SH2D4A: variants seen among roughly 807,000 people sequenced by gnomAD.
SH2D4A encodes the protein SH2 domain-containing protein 4A.
A neutral mutation model predicts 64.7 loss-of-function variants in SH2D4A; 70 were observed. That is an observed-to-expected ratio of 1.08 (90% CI 0.89 to 1.32). The LOEUF is 1.32. Ranked by LOEUF, SH2D4A falls within the 40% of genes most tolerant of loss-of-function variation. SH2D4A has a pLI of 0.00. For missense variants in SH2D4A, 706 were observed against 540.1 expected (o/e 1.31, Z -3.04); for synonymous variants, 268 against 200.7 (o/e 1.34, Z -2.83).
At chr8:19,345,273 G>A (rs969183665) in intron 4 of SH2D4A, among the ~76,000 whole-genome samples, 3 of 152,142 alleles carry the variant, frequency 2.0e-5, no homozygotes, top group Admixed American at 6.5e-5. Flanking sequence ...AGGAGTTCAC[G>A]GTACAGATGG....
At chr8:19,378,327 A>G (rs1052048647) in intron 8 of SH2D4A, among the ~76,000 whole-genome samples, 1 of 152,162 alleles carries the variant, frequency 6.6e-6, no homozygotes, top group Admixed American at 6.5e-5. Context: ...TTGTTGTATC[A>G]TGCACAATCC....
At chr8:19,364,450 G>A (rs1298898497) in intron 7 of SH2D4A, among the ~76,000 whole-genome samples, 168 bp downstream of exon 7, 1 of 152,166 alleles carries the variant, frequency 6.6e-6, no homozygotes, top group African/African-American at 2.4e-5. Flanking sequence ...GGTGATCTGG[G>A]CGGGCATTCC....
chr8:19,321,890 T>G (rs2052197905), intron 2 of SH2D4A, among the ~76,000 whole-genome samples: 1 of 152,212 alleles, frequency 6.6e-6, no homozygotes, highest in Non-Finnish European at 1.5e-5. Flanking sequence ...TGTGATGACT[T>G]AAAATAATAA....
intron 4 of SH2D4A, among the ~76,000 whole-genome samples, chr8:19,345,171 A>G (rs1043193785): frequency 6.6e-6 from 1 of 152,190 alleles, no homozygotes; most frequent in East Asian, 1.9e-4. Context: ...TGGGACAGAC[A>G]TGACTAATCA....
intron 3 of SH2D4A, among the ~76,000 whole-genome samples, chr8:19,334,237 G>T (rs553937914): frequency 6.6e-6 from 1 of 152,342 alleles, no homozygotes; most frequent in East Asian, 1.9e-4. Context: ...CTGTGGCACA[G>T]TGGATGGTGC....
At chr8:19,321,272 G>A (rs1371751121) in intron 2 of SH2D4A, among the ~76,000 whole-genome samples, 1 of 152,080 alleles carries the variant, frequency 6.6e-6, no homozygotes, top group Non-Finnish European at 1.5e-5. Context: ...GGAGTGCAGT[G>A]GTACAATCTT....
At chr8:19,375,671 T>A (rs375708476) in intron 8 of SH2D4A, 4 of 152,158 alleles carry the variant, frequency 2.6e-5, no homozygotes, top group African/African-American at 9.7e-5. Context: ...GAGTGTTCTA[T>A]TTCACAGCAT....
chr8:19,349,183 A>G (rs1174435149), intron 4 of SH2D4A, among the ~76,000 whole-genome samples: 1 of 152,234 alleles, frequency 6.6e-6, no homozygotes, highest in African/African-American at 2.4e-5. Flanking sequence ...GTAAAAACAG[A>G]TAAGTAATTA....
Position 19,313,732 on chromosome 8 carries a change from G to A in SH2D4A, c.-296G>A, listed in dbSNP as rs375745079. ...CGCCTGCGCCGCTTGGGACGCCTCT[G>A]CCTTTCCCTCCCTCCCTTCCCCGAC... On this transcript the variant is annotated 5_prime_UTR_variant, in exon 1 of 10. Transcript: ENST00000265807. 2.3e-3 allele frequency: 3,516 copies of A among 1,508,312 alleles called. 45 individuals carry two copies. The Admixed American group carries it at 0.028, about 12-fold the overall frequency. 93.4% of individuals were successfully genotyped at this position (1,508,312 alleles called of 1,614,324 possible). A position where few individuals can be genotyped will look rare whatever the true frequency, so the allele number is the denominator to read the frequency against.
At chr8:19,326,939 C>T (rs542393042) in intron 2 of SH2D4A, among the ~76,000 whole-genome samples, 2 of 152,328 alleles carry the variant, frequency 1.3e-5, no homozygotes, top group African/African-American at 2.4e-5. Flanking sequence ...TCCAACTCAA[C>T]AGTGCTGTGA....
At chr8:19,393,592 A>T in intron 9 of SH2D4A, 51 bp downstream of exon 9, 1 of 1,559,828 alleles carries the variant, frequency 6.4e-7, no homozygotes, top group Non-Finnish European at 8.8e-7. Flanking sequence ...GTCCTGTAGC[A>T]GCTCTAACAA....
intron 4 of SH2D4A, among the ~76,000 whole-genome samples, chr8:19,354,214 G>A (rs1252195660): frequency 6.6e-6 from 1 of 151,774 alleles, no homozygotes; most frequent in Non-Finnish European, 1.5e-5. Flanking sequence ...TGGGCCAGAC[G>A]GGTCTCGAAC....
At chr8:19,326,069 G>C (rs1264213642) in intron 2 of SH2D4A, among the ~76,000 whole-genome samples, 1 of 152,224 alleles carries the variant, frequency 6.6e-6, no homozygotes, top group Admixed American at 6.5e-5. Flanking sequence ...AAGCATTTCA[G>C]TTTGGACTGT....
intron 8 of SH2D4A, among the ~76,000 whole-genome samples, chr8:19,383,540 C>A (rs1563212283): frequency 6.6e-6 from 1 of 151,842 alleles, no homozygotes; most frequent in Non-Finnish European, 1.5e-5. Flanking sequence ...TTTTTATTTT[C>A]ATGCGTTGTG....
In SH2D4A at chr8:19,334,795, G is replaced by T; in HGVS notation, c.451G>T (p.Glu151Ter). The T allele has an allele frequency of 6.2e-7, 1 of 1,614,096 alleles. No individual in the cohort carries two copies. The highest frequency in any genetic ancestry group is 8.5e-7 in the Non-Finnish European group (1 of 1,179,988). The change falls in exon 4 of 10, where the codon GAA becomes TAA. Residue 151 changes from glutamate (E) to a stop codon, truncating the protein, a stop_gained. Coordinates refer to ENST00000265807, the MANE Select transcript of SH2D4A (RefSeq NM_022071.4). LOFTEE classifies it high-confidence loss of function. ...QTKDIWKKVA[E>*]KEELEQGSRP... ...TAAAGACATCTGGAAGAAAGTGGCA[G>T]AAAAGGAGGAACTGGAGCAAGGATC...
chr8:19,378,526 C>G (rs1051575392), intron 8 of SH2D4A, among the ~76,000 whole-genome samples: 1 of 152,114 alleles, frequency 6.6e-6, no homozygotes, highest in Admixed American at 6.6e-5. Flanking sequence ...ACCTCTGCCT[C>G]CCAGGTTCAA....
chr8:19,342,280 G>C (rs559464012), intron 4 of SH2D4A, among the ~76,000 whole-genome samples: 1 of 152,340 alleles, frequency 6.6e-6, no homozygotes, highest in South Asian at 2.1e-4. Flanking sequence ...CATGTAGTCA[G>C]AGTCCTCTTT....
intron 4 of SH2D4A, among the ~76,000 whole-genome samples, chr8:19,338,519 C>G (rs1389164416): frequency 1.3e-5 from 2 of 152,168 alleles, no homozygotes; most frequent in Non-Finnish European, 2.9e-5. Flanking sequence ...AGCAGAGACT[C>G]TTTCCTGGTT....
intron 9 of SH2D4A, among the ~76,000 whole-genome samples, 165 bp downstream of exon 9, chr8:19,393,706 ACATTT>A (rs1437046952): frequency 1.9e-4 from 29 of 152,348 alleles, no homozygotes; most frequent in Non-Finnish European, 2.5e-4. Flanking sequence ...ATTGTTAATC[ACATTT>A]CATTTATCTT....
Sources: gnomAD v4.1 joint callset for allele counts (sites outside exome capture counted in the v4.1 genomes callset) on GRCh38, gnomAD v4.1.1 for gene constraint, MANE v1.5 for transcripts, NCBI Gene and HGNC (gene_info 2026-07-23, HGNC 2026-07-21) for gene names.